Variants in AXDND1 observed in about 807,000 individuals in gnomAD.
AXDND1 encodes the protein axonemal dynein light chain domain containing 1, also known as axonemal dynein light chain domain-containing protein 1.
A neutral mutation model predicts 137.5 loss-of-function variants in AXDND1; 110 were observed. That is an observed-to-expected ratio of 0.80 (90% CI 0.69 to 0.94). The LOEUF (loss-of-function observed/expected upper bound fraction) is 0.94. AXDND1 is among the 40% of genes least tolerant of loss of function. The probability of loss-of-function intolerance (pLI) is 0.00; values close to 1 mark genes in which losing one functional copy is unlikely to be tolerated. For missense variants in AXDND1, 1,191 were observed against 1,169.8 expected (o/e 1.02, Z -0.26); for synonymous variants, 414 against 399.7 (o/e 1.04, Z -0.43).
Position 179,488,781 on chromosome 1 carries a change from C to T in AXDND1, c.2092-2757C>T, listed in dbSNP as rs1381240204. On this transcript the variant is annotated intron_variant, in intron 18 of 25. Transcript: ENST00000367618. ...ATGGAGTCTCGCTCTGTCACCCAGG[C>T]TGGACTGCAGTGGCACGTTCTCAGC... Among the ~76,000 whole-genome samples the T allele has an allele frequency of 2.1e-5, 3 of 142,486 alleles. 1 individual carries two copies. The highest frequency in any genetic ancestry group is 4.5e-5 in the Non-Finnish European group (3 of 66,122). 93.5% of individuals were successfully genotyped at this position (142,486 alleles called of 152,430 possible).
chr1:179,370,179 C>G (rs1286990083), intron 4 of AXDND1, 101 bp downstream of exon 4: 3 of 892,670 alleles, frequency 3.4e-6, no homozygotes, highest in Non-Finnish European at 3.5e-6. Flanking sequence ...ATCACTGAAT[C>G]ATAGATGATA....
intron 20 of AXDND1, among the ~76,000 whole-genome samples, chr1:179,495,815 A>G (rs1323238715): frequency 6.6e-6 from 1 of 151,710 alleles, no homozygotes; most frequent in East Asian, 1.9e-4. Flanking sequence ...CTTTAAGTAT[A>G]ATGCTAGCTA....
chr1:179,550,434 C>A (rs896005520), intron 25 of AXDND1: 1 of 152,226 alleles, frequency 6.6e-6, no homozygotes, highest in African/African-American at 2.4e-5. Flanking sequence ...ACTCTCTGGC[C>A]CACTATTTAT....
At chr1:179,378,343 C>T (rs899923315) in intron 4 of AXDND1, among the ~76,000 whole-genome samples, 2 of 152,086 alleles carry the variant, frequency 1.3e-5, no homozygotes, top group Non-Finnish European at 2.9e-5. Context: ...AAGATGGAAT[C>T]AAGCACCTAA....
intron 11 of AXDND1, among the ~76,000 whole-genome samples, chr1:179,406,717 A>G (rs12723024): frequency 0.29 from 44,388 of 151,728 alleles, 6,694 homozygotes; most frequent in Non-Finnish European, 0.31. Flanking sequence ...GTCTTTTTCC[A>G]TCTCTTCACT....
intron 8 of AXDND1, 52 bp from the exon 9 acceptor site, chr1:179,385,185 GT>G: frequency 6.6e-7 from 1 of 1,519,166 alleles, no homozygotes; most frequent in Non-Finnish European, 9.0e-7. Context: ...CTCCTAAAAT[GT>G]TTTTTACTAA....
At chr1:179,393,107 C>T (rs1650452907) in intron 9 of AXDND1, among the ~76,000 whole-genome samples, 1 of 151,860 alleles carries the variant, frequency 6.6e-6, no homozygotes, top group East Asian at 1.9e-4. Flanking sequence ...GGTTTCAGGT[C>T]TTTAAGTCTT....
chr1:179,463,722 T>A (rs11582574), intron 16 of AXDND1, among the ~76,000 whole-genome samples: 2 of 152,136 alleles, frequency 1.3e-5, no homozygotes, highest in South Asian at 4.2e-4. Context: ...AGTGGGGTGT[T>A]AAAGTCTCCC....
intron 20 of AXDND1, among the ~76,000 whole-genome samples, chr1:179,502,800 C>T (rs1668140325): frequency 6.6e-6 from 1 of 151,134 alleles, no homozygotes; most frequent in Admixed American, 6.6e-5. Flanking sequence ...AAGAGACATA[C>T]ATAAGAACAT....
chr1:179,534,945 C>T lies in AXDND1; in HGVS notation c.3014C>T (p.Ser1005Leu). 1 of 1,605,552 alleles carries T rather than the reference C, an allele frequency of 6.2e-7. No individual in the cohort carries two copies. ...EEEVRSAENS[S>L]KSPKKGH is the part of the protein sequence containing the mutation. ...GAAGTCAGGTCAGCAGAAAATTCCT[C>T]AAAATCTCCAAAGAAAGGTAAGGAT... Residue 1005 changes from serine (S) to leucine (L), a missense_variant, in exon 25 of 26, where the codon TCA becomes TTA. Transcript: ENST00000367618.
intron 18 of AXDND1, among the ~76,000 whole-genome samples, chr1:179,488,160 G>A (rs577353682): frequency 6.8e-6 from 1 of 147,630 alleles, no homozygotes; most frequent in East Asian, 1.9e-4. Flanking sequence ...TTTTAACAAA[G>A]TGTTCCCAGC....
chr1:179,515,926 T>C (rs1572142766), intron 21 of AXDND1, among the ~76,000 whole-genome samples: 1 of 152,282 alleles, frequency 6.6e-6, no homozygotes, highest in Non-Finnish European at 1.5e-5. Context: ...TATGTTAAGA[T>C]ACACAGATAC....
At chr1:179,456,620 A>G in intron 16 of AXDND1, 1 of 831,512 alleles carries the variant, frequency 1.2e-6, no homozygotes, top group Non-Finnish European at 2.1e-6. Context: ...AGCCATCCCC[A>G]CTGCCACCAT....
intron 4 of AXDND1, among the ~76,000 whole-genome samples, chr1:179,377,519 C>A (rs1558089195): frequency 2.6e-5 from 4 of 152,160 alleles, no homozygotes; most frequent in Admixed American, 6.5e-5. Context: ...ATTCCGTCTC[C>A]TGGAAGAGTA....
chr1:179,447,719 C>T (rs1334191519), intron 16 of AXDND1: 5 of 1,349,850 alleles, frequency 3.7e-6, no homozygotes, highest in Non-Finnish European at 5.3e-6. Flanking sequence ...ATGACTTTAC[C>T]TAAACTATTT....
At chr1:179,437,659 TAC>T (rs1658362944) in intron 15 of AXDND1, among the ~76,000 whole-genome samples, 1 of 144,796 alleles carries the variant, frequency 6.9e-6, no homozygotes, top group African/African-American at 2.5e-5. Flanking sequence ...CATCCGATTT[TAC>T]AGACTATGAA....
In AXDND1 at chr1:179,528,357, C is replaced by G. The variant is rs1670736444; in HGVS notation, c.2641C>G (p.Leu881Val). The G allele has an allele frequency of 4.3e-6, 7 of 1,613,906 alleles. No individual in the cohort carries two copies. Among genetic ancestry groups the G allele is most frequent in the Non-Finnish European group, 5.9e-6 (7 of 1,179,832 alleles). ...QPSTSTEKEK[L>V]IRFIGEDENV... ...TTCAACATCTACAGAGAAGGAAAAA[C>G]TCATTCGATTCATTGGAGAAGATGA... The change falls in exon 23 of 26, where the codon CTC becomes GTC. Residue 881 changes from leucine (L) to valine (V), a missense_variant. Transcript: ENST00000367618.
At chr1:179,478,389 G>T (rs1664889668) in intron 17 of AXDND1, among the ~76,000 whole-genome samples, 1 of 152,204 alleles carries the variant, frequency 6.6e-6, no homozygotes, top group South Asian at 2.1e-4. Flanking sequence ...CTAGGCAAAG[G>T]TTCCCAAACC....
At chr1:179,413,993 A>T (rs4400577) in intron 12 of AXDND1, among the ~76,000 whole-genome samples, 97,611 of 151,836 alleles carry the variant, frequency 0.64, 31,765 homozygotes, top group Middle Eastern at 0.7. Flanking sequence ...TTCCTGATAA[A>T]GCAATTATCT....
Sources: allele counts gnomAD v4.1 joint callset (sites outside exome capture counted in the v4.1 genomes callset), GRCh38; gene constraint gnomAD v4.1.1; transcripts MANE v1.5; gene names NCBI Gene and HGNC (gene_info 2026-07-23, HGNC 2026-07-21).